ROBO2: variants seen among roughly 807,000 people sequenced by gnomAD.
The protein encoded by ROBO2 is roundabout homolog 2.
In ROBO2, 53 loss-of-function variants were observed where a neutral mutation model predicts 160.8. The observed-to-expected ratio is 0.33, with a 90% CI of 0.26 to 0.41. The LOEUF (loss-of-function observed/expected upper bound fraction) is 0.41, where lower values mean the gene tolerates loss of function less well. Among genes scored for constraint, ROBO2 ranks in the 10% least tolerant of loss-of-function variants. ROBO2 has a pLI of 1.00. For missense variants in ROBO2, 1,577 were observed against 1,722.4 expected (o/e 0.92, Z 1.49); for synonymous variants, 664 against 611.7 (o/e 1.09, Z -1.26).
At chr3:77,646,058 A>G (rs2095410393) in exon 26 of ROBO2, 2 of 1,594,058 alleles carry the variant, frequency 1.3e-6, no homozygotes, top group Non-Finnish European at 1.7e-6. Context: ...CTTTAGAGTA[A>G]ATGAGAGGAG....
intron 2 of ROBO2, among the ~76,000 whole-genome samples, chr3:76,292,895 A>G (rs1399575936): frequency 6.6e-6 from 1 of 151,910 alleles, no homozygotes; most frequent in African/African-American, 2.4e-5. Context: ...CCTTGTTACA[A>G]GTGACCATGC....
At chr3:76,918,828 G>C (rs547622396) in intron 2 of ROBO2, among the ~76,000 whole-genome samples, 1 of 152,206 alleles carries the variant, frequency 6.6e-6, no homozygotes, top group African/African-American at 2.4e-5. Flanking sequence ...CGCCAGCATT[G>C]GTTGTTTCTT....
chr3:77,466,209 A>T (rs2082745010), intron 2 of ROBO2, among the ~76,000 whole-genome samples: 1 of 152,200 alleles, frequency 6.6e-6, no homozygotes, highest in Non-Finnish European at 1.5e-5. Context: ...CAAGTAGAAC[A>T]TTTCTTGAAG....
intron 13 of ROBO2, among the ~76,000 whole-genome samples, chr3:77,571,497 G>A (rs538052655): frequency 1.3e-5 from 2 of 152,204 alleles, no homozygotes; most frequent in East Asian, 3.9e-4. Context: ...TATTATGTGA[G>A]CAAATTAAGT....
chr3:75,953,813 C>T (rs1316274071), intron 2 of ROBO2, among the ~76,000 whole-genome samples: 1 of 151,886 alleles, frequency 6.6e-6, no homozygotes, highest in African/African-American at 2.4e-5. Flanking sequence ...ACAAGCAATA[C>T]ATATAGACAT....
At chr3:75,912,320 G>T (rs1157625882) in intron 1 of ROBO2, among the ~76,000 whole-genome samples, 1 of 152,084 alleles carries the variant, frequency 6.6e-6, no homozygotes, top group Non-Finnish European at 1.5e-5. Flanking sequence ...GATTTAAATA[G>T]TTTTCTATTT....
intron 2 of ROBO2, among the ~76,000 whole-genome samples, chr3:76,514,435 T>C (rs529973657): frequency 9.8e-5 from 15 of 152,310 alleles, no homozygotes; most frequent in African/African-American, 3.6e-4. Context: ...CAGCTGAGTC[T>C]TCAGAAAATC....
At chr3:76,302,733 G>C (rs188959229) in intron 2 of ROBO2, among the ~76,000 whole-genome samples, 1 of 152,018 alleles carries the variant, frequency 6.6e-6, no homozygotes, top group Admixed American at 6.6e-5. Flanking sequence ...ACCTAGGTGC[G>C]TAGCAAACTA....
At chr3:77,128,576 G>A (rs1306469038) in intron 2 of ROBO2, among the ~76,000 whole-genome samples, 1 of 152,116 alleles carries the variant, frequency 6.6e-6, no homozygotes, top group Non-Finnish European at 1.5e-5. Flanking sequence ...TTTTCAGATT[G>A]CTGGTGTAGT....
At chr3:77,464,761 T>G (rs1423837594) in intron 2 of ROBO2, among the ~76,000 whole-genome samples, 2 of 152,204 alleles carry the variant, frequency 1.3e-5, no homozygotes, top group Non-Finnish European at 2.9e-5. Flanking sequence ...ATGAAAAGTC[T>G]GTTAGTCCAT....
intron 2 of ROBO2, among the ~76,000 whole-genome samples, chr3:76,465,689 C>G (rs1358052117): frequency 1.3e-5 from 2 of 151,920 alleles, no homozygotes; most frequent in Non-Finnish European, 2.9e-5. Flanking sequence ...TGAAGAACCA[C>G]CATTTTAATA....
At chr3:76,951,923 T>A (rs1191402043) in intron 2 of ROBO2, among the ~76,000 whole-genome samples, 14 of 152,238 alleles carry the variant, frequency 9.2e-5, no homozygotes, top group Non-Finnish European at 2.9e-5. Flanking sequence ...TCTCCAATTA[T>A]CTATTCAAGT....
chr3:76,619,304 C>T (rs1011639249), intron 2 of ROBO2, among the ~76,000 whole-genome samples: 4 of 149,246 alleles, frequency 2.7e-5, no homozygotes, highest in Non-Finnish European at 4.4e-5. Flanking sequence ...CGCGCCACTG[C>T]ACTCCAGCCT....
chr3:77,016,843 G>A (rs1350627217), intron 2 of ROBO2, among the ~76,000 whole-genome samples: 1 of 152,140 alleles, frequency 6.6e-6, no homozygotes, highest in Non-Finnish European at 1.5e-5. Flanking sequence ...TACAATAAGA[G>A]CAATTTTGTT....
chr3:77,522,743 T>G (rs750204768), intron 5 of ROBO2, 32 bp from the exon 6 acceptor site: 2 of 1,599,344 alleles, frequency 1.3e-6, no homozygotes, highest in Non-Finnish European at 1.7e-6. Context: ...TAGCTACTAC[T>G]ATTTAATAAA....
At chr3:76,146,182 C>T (rs552200900) in intron 2 of ROBO2, among the ~76,000 whole-genome samples, 1 of 152,128 alleles carries the variant, frequency 6.6e-6, no homozygotes, top group East Asian at 1.9e-4. Context: ...ACAACCACAC[C>T]CCAACAGTAA....
chr3:75,935,605 A>G (rs1393656594), intron 1 of ROBO2, among the ~76,000 whole-genome samples: 1 of 152,202 alleles, frequency 6.6e-6, no homozygotes, highest in African/African-American at 2.4e-5. Context: ...ATGATAAAAT[A>G]TACTTGTATG....
At chr3:76,205,729 G>A (rs560087926) in intron 2 of ROBO2, among the ~76,000 whole-genome samples, 1 of 152,212 alleles carries the variant, frequency 6.6e-6, no homozygotes, top group South Asian at 2.1e-4. Flanking sequence ...CGTCTCTGGG[G>A]GCCATGCCAT....
At chr3:76,967,088 C>T (rs1410026143) in intron 2 of ROBO2, among the ~76,000 whole-genome samples, 1 of 152,104 alleles carries the variant, frequency 6.6e-6, no homozygotes, top group Non-Finnish European at 1.5e-5. Context: ...TTGTAAGGTG[C>T]TACTATTGAA....
Sources: allele counts gnomAD v4.1 joint callset (sites outside exome capture counted in the v4.1 genomes callset), GRCh38; gene constraint gnomAD v4.1.1; transcripts MANE v1.5; gene names NCBI Gene and HGNC (gene_info 2026-07-23, HGNC 2026-07-21).